Variants in SNTG1 observed in about 807,000 individuals in gnomAD.
The protein encoded by SNTG1 is gamma-1-syntrophin.
Under a neutral mutation model 74.7 loss-of-function variants are expected in SNTG1, and 39 were observed. That is an observed-to-expected ratio of 0.52 (90% CI 0.40 to 0.68). The LOEUF is 0.68. Ranked by LOEUF, SNTG1 falls within the 30% of genes least tolerant of loss-of-function variation. The probability of loss-of-function intolerance (pLI) is 0.00; values close to 1 mark genes in which losing one functional copy is unlikely to be tolerated. For missense variants in SNTG1, 685 were observed against 609.5 expected, an observed-to-expected ratio of 1.12 and a Z score of -1.30; for synonymous variants, 254 against 217.1, an observed-to-expected ratio of 1.17 and a Z score of -1.49.
intron 1 of SNTG1, among the ~76,000 whole-genome samples, chr8:50,001,129 GAAC>G (rs1364240516): frequency 6.6e-6 from 1 of 152,192 alleles, no homozygotes; most frequent in Non-Finnish European, 1.5e-5. Flanking sequence ...TACACAAGAA[GAAC>G]AAGTGAGTGG....
At chr8:50,523,441 G>A (rs575291301) in intron 9 of SNTG1, among the ~76,000 whole-genome samples, 35 of 152,136 alleles carry the variant, frequency 2.3e-4, no homozygotes, top group South Asian at 6.2e-4. Context: ...TTAAGTGAGA[G>A]ACTTGCAATT....
intron 4 of SNTG1, among the ~76,000 whole-genome samples, chr8:50,431,901 A>G (rs1010416476): frequency 6.6e-6 from 1 of 152,094 alleles, no homozygotes; most frequent in Admixed American, 6.5e-5. Context: ...GAGTGTTATG[A>G]GTTATTTGTA....
At chr8:50,599,921 A>G (rs2094760333) in intron 13 of SNTG1, among the ~76,000 whole-genome samples, 1 of 152,102 alleles carries the variant, frequency 6.6e-6, no homozygotes, top group Admixed American at 6.5e-5. Flanking sequence ...GTTTTTCTCT[A>G]TTCATTATAA....
chr8:50,242,103 A>C (rs1320369745), intron 2 of SNTG1, among the ~76,000 whole-genome samples: 1 of 152,052 alleles, frequency 6.6e-6, no homozygotes, highest in African/African-American at 2.4e-5. Flanking sequence ...ATACGTATAC[A>C]TATCTACATA....
chr8:50,287,172 C>T (rs539129171), intron 2 of SNTG1, among the ~76,000 whole-genome samples: 1 of 152,148 alleles, frequency 6.6e-6, no homozygotes, highest in South Asian at 2.1e-4. Flanking sequence ...TGAGCTATTA[C>T]GTCCATCTGT....
intron 1 of SNTG1, among the ~76,000 whole-genome samples, chr8:50,156,773 C>T (rs763115888): frequency 1.3e-5 from 2 of 152,032 alleles, no homozygotes; most frequent in African/African-American, 2.4e-5. Flanking sequence ...CATGAAAAGG[C>T]GCTGACATCA....
At chr8:49,968,453 A>G (rs1393005793) in intron 1 of SNTG1, among the ~76,000 whole-genome samples, 1 of 151,998 alleles carries the variant, frequency 6.6e-6, no homozygotes, top group African/African-American at 2.4e-5. Context: ...ATGTCTTGAC[A>G]TTGCATTAAT....
intron 18 of SNTG1, among the ~76,000 whole-genome samples, chr8:50,781,805 G>C (rs2095660317): frequency 1.3e-5 from 2 of 152,128 alleles, no homozygotes; most frequent in African/African-American, 2.4e-5. Flanking sequence ...AGCCTTGATG[G>C]TCTTTACAAT....
chr8:50,329,344 T>C (rs1419993717), intron 2 of SNTG1, among the ~76,000 whole-genome samples: 1 of 152,146 alleles, frequency 6.6e-6, no homozygotes, highest in African/African-American at 2.4e-5. Context: ...TTCTTCTGTA[T>C]TGCCCTAGTA....
Position 50,405,504 on chromosome 8 carries a change from T to G in SNTG1, c.162+3160T>G, listed in dbSNP as rs374434706. The stretch of plus-strand genomic sequence containing the variant: ...CTATTTTTGAATTGGATTGTTTGTT[T>G]TTTGGAGCTTAGTTGCAGGAATTCT... On this transcript the variant is annotated intron_variant, in intron 4 of 18. Coordinates refer to ENST00000642720, the MANE Select transcript of SNTG1 (RefSeq NM_018967.5). Among the ~76,000 whole-genome samples, 24 of 152,206 alleles carry G rather than the reference T, an allele frequency of 1.6e-4. 1 individual carries two copies. In the East Asian group the frequency reaches 4.3e-3, roughly 27 times the overall value.
intron 8 of SNTG1, among the ~76,000 whole-genome samples, chr8:50,481,780 G>A (rs2093742813): frequency 6.6e-6 from 1 of 152,178 alleles, no homozygotes; most frequent in Admixed American, 6.5e-5. Flanking sequence ...AAATATCTAT[G>A]AAATCCTTTT....
chr8:50,672,106 A>C (rs1442864639), intron 15 of SNTG1, among the ~76,000 whole-genome samples: 2 of 150,754 alleles, frequency 1.3e-5, no homozygotes, highest in African/African-American at 2.4e-5. Context: ...ATGACAAGTT[A>C]ATGGGTGCAG....
chr8:49,994,746 G>A (rs910591936), intron 1 of SNTG1, among the ~76,000 whole-genome samples: 1 of 151,710 alleles, frequency 6.6e-6, no homozygotes, highest in African/African-American at 2.4e-5. Flanking sequence ...CATATAATGA[G>A]ATGAAAGATG....
At chr8:50,774,006 A>T (rs2095633757) in intron 18 of SNTG1, among the ~76,000 whole-genome samples, 1 of 152,104 alleles carries the variant, frequency 6.6e-6, no homozygotes, top group Admixed American at 6.6e-5. Flanking sequence ...GAGTTTATGA[A>T]GAAAGATTAA....
intron 1 of SNTG1, among the ~76,000 whole-genome samples, chr8:50,126,476 G>A (rs1186422621): frequency 6.6e-6 from 1 of 151,896 alleles, no homozygotes; most frequent in Non-Finnish European, 1.5e-5. Flanking sequence ...AAATTAGTGT[G>A]CATTTTTTTC....
chr8:50,286,773 G>A (rs1370479001), intron 2 of SNTG1: 1 of 152,118 alleles, frequency 6.6e-6, no homozygotes, highest in East Asian at 1.9e-4. Context: ...GTTCATAATT[G>A]GTGAAGAAAT....
intron 1 of SNTG1, among the ~76,000 whole-genome samples, chr8:50,157,548 T>C (rs1322426038): frequency 6.6e-6 from 1 of 152,100 alleles, no homozygotes; most frequent in Non-Finnish European, 1.5e-5. Flanking sequence ...ATAATTATTA[T>C]TGTCTTATCA....
At position 50,617,299 on chromosome 8, in the gene SNTG1, A is replaced by G. The variant is rs138829229; in HGVS notation, c.849+26382A>G. Among the ~76,000 whole-genome samples, 754 of 152,020 alleles carry G rather than the reference A, an allele frequency of 5.0e-3. 6 individuals are homozygous for G. The highest frequency in any genetic ancestry group is 0.017 in the African/African-American group (704 of 41,474). On this transcript the variant is annotated intron_variant, in intron 13 of 18. Transcript: ENST00000642720. ...CTTTGCATTTTTTCAATCCTCAGTTAATTTGTTCAATGAGCAAATGAATCT... is the reference window on the plus strand; with the variant it reads ...CTTTGCATTTTTTCAATCCTCAGTTGATTTGTTCAATGAGCAAATGAATCT...
At chr8:49,996,565 T>C (rs1585820988) in intron 1 of SNTG1, among the ~76,000 whole-genome samples, 1 of 152,108 alleles carries the variant, frequency 6.6e-6, no homozygotes, top group Non-Finnish European at 1.5e-5. Context: ...GAATATACTT[T>C]CTAATAGGAC....
Sources: allele counts gnomAD v4.1 joint callset (sites outside exome capture counted in the v4.1 genomes callset), GRCh38; gene constraint gnomAD v4.1.1; transcripts MANE v1.5; gene names NCBI Gene and HGNC (gene_info 2026-07-23, HGNC 2026-07-21).